The following AQP9 variants were observed in gnomAD, a reference collection of about 807,000 sequenced individuals.
The protein encoded by AQP9 is aquaporin 9.
AQP9 carries 19 observed loss-of-function variants against 23.8 expected under a neutral mutation model. The observed-to-expected ratio is 0.80, with a 90% CI of 0.56 to 1.17. The LOEUF is 1.17. Among genes scored for constraint, AQP9 ranks in the 50% most tolerant of loss-of-function variants. AQP9 has a pLI of 0.00. For synonymous variants in AQP9, 153 were observed against 131.5 expected, an observed-to-expected ratio of 1.16 and a Z score of -1.12; for missense variants, 413 against 362.0, an observed-to-expected ratio of 1.14 and a Z score of -1.14.
At chr15:58,153,063 T>C (rs375755336) in intron 1 of AQP9, 1 of 152,210 alleles carries the variant, frequency 6.6e-6, no homozygotes. Flanking sequence ...TTTTTACTAA[T>C]TGGCTGATGA....
intron 5 of AQP9, among the ~76,000 whole-genome samples, chr15:58,179,943 G>C (rs1898845830): frequency 6.6e-6 from 1 of 152,198 alleles, no homozygotes; most frequent in African/African-American, 2.4e-5. Flanking sequence ...GGAAAGACAT[G>C]ACTGCAAATG....
At chr15:58,165,518 T>C (rs1191336172) in intron 1 of AQP9, among the ~76,000 whole-genome samples, 6 of 152,176 alleles carry the variant, frequency 3.9e-5, no homozygotes, top group African/African-American at 1.4e-4. Flanking sequence ...AGAGAGATCA[T>C]GTACATAAAA....
intron 1 of AQP9, among the ~76,000 whole-genome samples, chr15:58,139,821 A>T (rs1180498238): frequency 1.3e-5 from 2 of 152,210 alleles, no homozygotes; most frequent in Non-Finnish European, 2.9e-5. Flanking sequence ...GGAGTTACGG[A>T]CAATTTCTTG....
intron 1 of AQP9, 94 bp from the exon 2 acceptor site, chr15:58,166,579 T>C: frequency 6.8e-7 from 1 of 1,480,220 alleles, no homozygotes. Flanking sequence ...ACCCAATCCA[T>C]GACTTTGCTT....
intron 1 of AQP9, chr15:58,155,883 A>C (rs1898246215): frequency 6.6e-6 from 1 of 152,178 alleles, no homozygotes; most frequent in African/African-American, 2.4e-5. Context: ...TCTATACCTC[A>C]CATGTCTAAA....
intron 1 of AQP9, among the ~76,000 whole-genome samples, chr15:58,144,030 A>G (rs182354780): frequency 2.6e-5 from 4 of 152,236 alleles, no homozygotes; most frequent in Non-Finnish European, 5.9e-5. Flanking sequence ...AATTTGAGAG[A>G]GAGAAAAATG....
At chr15:58,152,056 A>C (rs764740592) in intron 1 of AQP9, 7 of 152,160 alleles carry the variant, frequency 4.6e-5, no homozygotes, top group African/African-American at 4.8e-5. Context: ...AACCCCTTGA[A>C]GCTTTACAGG....
At position 58,138,564 on chromosome 15, in the gene AQP9, A is replaced by G. The variant is rs34945403; in HGVS notation, c.-2A>G. On this transcript the variant is annotated 5_prime_UTR_variant, in exon 1 of 6. Coordinates refer to ENST00000219919, the MANE Select transcript of AQP9 (RefSeq NM_020980.5). ...AACAGGAGTCCTCAGAGAAGCCCCA[A>G]GATGCAGCCTGAGGGAGCAGAAAAG... 95,776 of 1,613,352 alleles carry G rather than the reference A, an allele frequency of 0.059. 3,282 individuals are homozygous for G. Among genetic ancestry groups the G allele is most frequent in the Non-Finnish European group, 0.068 (80,420 of 1,179,484 alleles).
chr15:58,154,352 TCTC>T (rs1383467442), intron 1 of AQP9: 2 of 152,094 alleles, frequency 1.3e-5, no homozygotes, highest in African/African-American at 4.8e-5. Context: ...CTCTATTTCC[TCTC>T]CTTTTTTATT....
In AQP9 at chr15:58,166,733, AT is replaced by A. The variant is rs1258988446; in HGVS notation, c.173del (p.Ile58ThrfsTer32). 3.1e-6 allele frequency: 5 copies of A among 1,613,908 alleles called. No individual in the cohort carries two copies. Among genetic ancestry groups the A allele is most frequent in the Non-Finnish European group, 4.2e-6 (5 of 1,179,906 alleles). ...CAGTCGAGGACGTTTTGGAGGGGTC[AT>A]CACTATCAATGTTGGATTTTCAATG... ...ILSRGRFGGV[I>X]TINVGFSMAV... On this transcript the variant is annotated frameshift_variant, in exon 2 of 6. Transcript: ENST00000219919. LOFTEE classifies it high-confidence loss of function.
At chr15:58,174,306 A>C (rs1477816068) in intron 3 of AQP9, among the ~76,000 whole-genome samples, 2 of 152,070 alleles carry the variant, frequency 1.3e-5, no homozygotes, top group Non-Finnish European at 2.9e-5. Context: ...AAAGAAAAAA[A>C]AAAAGGAAAA....
intron 1 of AQP9, among the ~76,000 whole-genome samples, chr15:58,149,459 C>A (rs1251376295): frequency 6.6e-6 from 1 of 152,180 alleles, no homozygotes; most frequent in Admixed American, 6.5e-5. Context: ...GAGAGCAATT[C>A]TTTTAACTTC....
chr15:58,151,204 C>A, intron 1 of AQP9: 1 of 152,106 alleles, frequency 6.6e-6, no homozygotes, highest in Non-Finnish European at 1.5e-5. Flanking sequence ...TCTAGCATCC[C>A]TAATCCCATT....
At chr15:58,154,370 C>T (rs1334616742) in intron 1 of AQP9, 1 of 151,934 alleles carries the variant, frequency 6.6e-6, no homozygotes, top group East Asian at 1.9e-4. Context: ...TTTATTTTAC[C>T]TCTTCTAACT....
At chr15:58,165,332 T>A (rs1338417620) in intron 1 of AQP9, among the ~76,000 whole-genome samples, 1 of 152,228 alleles carries the variant, frequency 6.6e-6, no homozygotes, top group Non-Finnish European at 1.5e-5. Flanking sequence ...TAAATGGTTT[T>A]AACTGATTAT....
chr15:58,147,054 C>A (rs1252546522), intron 1 of AQP9, among the ~76,000 whole-genome samples: 1 of 152,138 alleles, frequency 6.6e-6, no homozygotes, highest in African/African-American at 2.4e-5. Context: ...AGTTTCAAGG[C>A]GCTTGGGAGA....
chr15:58,180,300 GGACGTGA>G (rs1247098433), intron 5 of AQP9, among the ~76,000 whole-genome samples: 1 of 152,182 alleles, frequency 6.6e-6, no homozygotes, highest in Non-Finnish European at 1.5e-5. Flanking sequence ...TGAGAACAAA[GGACGTGA>G]GTGTTCCCAA....
At chr15:58,179,392 T>A (rs757189428) in intron 5 of AQP9, 47 bp downstream of exon 5, 1 of 1,523,682 alleles carries the variant, frequency 6.6e-7, no homozygotes, top group Non-Finnish European at 8.9e-7. Context: ...ATGCTGCGCC[T>A]CACCAGTGGG....
At chr15:58,141,979 G>A (rs1244639851) in intron 1 of AQP9, among the ~76,000 whole-genome samples, 4 of 152,282 alleles carry the variant, frequency 2.6e-5, no homozygotes, top group Non-Finnish European at 4.4e-5. Context: ...ACATTATTTG[G>A]AATGCCCAGG....
Sources: allele counts gnomAD v4.1 joint callset (sites outside exome capture counted in the v4.1 genomes callset), GRCh38; gene constraint gnomAD v4.1.1; transcripts MANE v1.5; gene names NCBI Gene and HGNC (gene_info 2026-07-23, HGNC 2026-07-21).